Variants in NAALADL2 observed in about 807,000 individuals in gnomAD.
NAALADL2 encodes the protein N-acetylated alpha-linked acidic dipeptidase like 2.
NAALADL2 carries 76 observed loss-of-function variants against 87.2 expected under a neutral mutation model. The ratio of observed to expected loss-of-function variants is 0.87; its 90% CI spans 0.72 to 1.05. The LOEUF (loss-of-function observed/expected upper bound fraction) is 1.05. Ranked by LOEUF, NAALADL2 falls within the 50% of genes least tolerant of loss-of-function variation. The pLI is 0.00. For missense variants in NAALADL2, 1,089 were observed against 945.8 expected (o/e 1.15, Z -1.99); for synonymous variants, 354 against 331.0 (o/e 1.07, Z -0.75).
chr3:175,425,399 G>A (rs1223238758), intron 5 of NAALADL2, among the ~76,000 whole-genome samples: 1 of 152,072 alleles, frequency 6.6e-6, no homozygotes, highest in Non-Finnish European at 1.5e-5. Flanking sequence ...CCATCAAGCA[G>A]CATTGCTTTC....
In NAALADL2 at chr3:175,186,982, T is replaced by C. The variant is rs529827455; in HGVS notation, c.546-46949T>C. Among the ~76,000 whole-genome samples the C allele has an allele frequency of 3.3e-5, 5 of 152,294 alleles. No homozygotes were observed. The South Asian group carries it at 1.0e-3, about 32-fold the overall frequency. On this transcript the variant is annotated intron_variant, in intron 2 of 13. Transcript: ENST00000454872. The stretch of plus-strand genomic sequence containing the variant: ...AAAGATTATCTTAACAATCCTTTAG[T>C]TCACTATTTCATTTTCTGTCTTTTA...
At position 175,028,051 on chromosome 3, in the gene NAALADL2, C is replaced by A. The variant is rs148766818; in HGVS notation, c.44-68739C>A. Among the ~76,000 whole-genome samples the A allele has an allele frequency of 8.5e-5, 13 of 152,080 alleles. No homozygotes were observed. The East Asian group carries it at 2.3e-3, about 27-fold the overall frequency. On this transcript the variant is annotated intron_variant, in intron 1 of 13. Coordinates refer to ENST00000454872, the MANE Select transcript of NAALADL2 (RefSeq NM_207015.3). ...ATTAACCTTCAGAAACTTTGCAATC[C>A]AGATGTGAGCTGCTCCACATCAGCA...
intron 3 of NAALADL2, among the ~76,000 whole-genome samples, chr3:174,780,466 C>A (rs1044628738): frequency 6.6e-6 from 1 of 152,016 alleles, no homozygotes; most frequent in Non-Finnish European, 1.5e-5. Flanking sequence ...ATATGAATAC[C>A]CTTTATTTCT....
intron 1 of NAALADL2, among the ~76,000 whole-genome samples, chr3:174,492,428 C>T (rs1463008615): frequency 6.6e-6 from 1 of 152,084 alleles, no homozygotes; most frequent in Non-Finnish European, 1.5e-5. Context: ...TCGGTTTTTT[C>T]TAGCACTAAA....
intron 1 of NAALADL2, among the ~76,000 whole-genome samples, chr3:174,975,600 A>T (rs1431304771): frequency 2.6e-5 from 4 of 152,110 alleles, no homozygotes; most frequent in African/African-American, 9.7e-5. Context: ...ATTTGGTGGG[A>T]TAGTTATGCC....
At chr3:175,338,023 G>A (rs1762173336) in intron 5 of NAALADL2, among the ~76,000 whole-genome samples, 1 of 152,002 alleles carries the variant, frequency 6.6e-6, no homozygotes, top group African/African-American at 2.4e-5. Flanking sequence ...AGAACAAACT[G>A]AACTTTCACA....
intron 13 of NAALADL2, among the ~76,000 whole-genome samples, chr3:175,793,362 G>A (rs1325709200): frequency 7.0e-6 from 1 of 143,562 alleles, no homozygotes; most frequent in Non-Finnish European, 1.5e-5. Flanking sequence ...GGGCTGGAGT[G>A]TAGTGGGCAC....
chr3:175,629,374 GA>G, intron 11 of NAALADL2, among the ~76,000 whole-genome samples: 1 of 131,336 alleles, frequency 7.6e-6, no homozygotes, highest in Non-Finnish European at 1.6e-5. Context: ...ATATATATAT[GA>G]ATATATATAT....
At position 174,631,084 on chromosome 3, in the gene NAALADL2, T is replaced by TTATCCCTTAG. The variant is rs373403879; in HGVS notation, c.-115+80449_-115+80458dup. Among the ~76,000 whole-genome samples the TTATCCCTTAG allele has an allele frequency of 2.9e-3, 442 of 152,292 alleles. 3 individuals are homozygous for TTATCCCTTAG. The highest frequency in any genetic ancestry group is 0.01 in the African/African-American group (426 of 41,574). On this transcript the variant is annotated intron_variant, in intron 2 of 3. Transcript: ENST00000434257. ...CCTATAGATTCTGCACATATTATTA[T>TTATCCCTTAG]TATCCCTTAGTGGTCAGATTCTGTT...
rs556125101 is a variant in NAALADL2, at chr3:175,339,187, T to G, written c.1090+14862T>G. 4.6e-5 allele frequency among the ~76,000 whole-genome samples: 7 copies of G among 152,344 alleles called. No homozygotes were observed. The East Asian group carries it at 7.7e-4, about 17-fold the overall frequency. ...AATATTGCAAATAGTGACAGTCACA[T>G]CAAACATTGTCTAGAATCACTAATC... On this transcript the variant is annotated intron_variant, in intron 5 of 13. Transcript: ENST00000454872.
At chr3:174,890,640 G>A (rs1251778260) in intron 1 of NAALADL2, among the ~76,000 whole-genome samples, 1 of 152,146 alleles carries the variant, frequency 6.6e-6, no homozygotes, top group Non-Finnish European at 1.5e-5. Context: ...AAACTAACTT[G>A]CCTGAGAAGG....
At chr3:175,469,866 G>C (rs1179925038) in intron 8 of NAALADL2, among the ~76,000 whole-genome samples, 3 of 152,006 alleles carry the variant, frequency 2.0e-5, no homozygotes, top group African/African-American at 7.2e-5. Flanking sequence ...GCTAATAGAA[G>C]CTGATATTTC....
intron 2 of NAALADL2, among the ~76,000 whole-genome samples, chr3:174,606,678 C>A (rs1414610327): frequency 2.6e-5 from 4 of 152,076 alleles, no homozygotes; most frequent in Non-Finnish European, 4.4e-5. Flanking sequence ...TGTGAAAAGA[C>A]CAAATCTACG....
intron 11 of NAALADL2, among the ~76,000 whole-genome samples, chr3:175,716,817 T>A (rs1741368183): frequency 6.6e-6 from 1 of 152,142 alleles, no homozygotes; most frequent in South Asian, 2.1e-4. Context: ...AAAGAATGTT[T>A]TGGAGGAGTC....
At chr3:175,731,771 C>G (rs970304585) in intron 11 of NAALADL2, among the ~76,000 whole-genome samples, 1 of 152,114 alleles carries the variant, frequency 6.6e-6, no homozygotes, top group Admixed American at 6.5e-5. Context: ...AGGTGCCAAG[C>G]CACTCTTAAA....
chr3:174,691,977 T>G (rs2108855594), intron 2 of NAALADL2: 1 of 152,348 alleles, frequency 6.6e-6, no homozygotes, highest in South Asian at 2.1e-4. Context: ...CTGCAGTTAC[T>G]TCTTCCTCTG....
chr3:175,677,927 G>A (rs115886420), intron 11 of NAALADL2, among the ~76,000 whole-genome samples: 2,459 of 152,178 alleles, frequency 0.016, 75 homozygotes, highest in African/African-American at 0.057. Context: ...ACCTGAGTAG[G>A]CAGTCTTCAG....
chr3:175,161,456 A>G (rs980104765), intron 2 of NAALADL2, among the ~76,000 whole-genome samples: 5 of 152,288 alleles, frequency 3.3e-5, no homozygotes, highest in Admixed American at 6.6e-5. Context: ...TATGCCATAG[A>G]TAATTATCGA....
At chr3:175,213,813 A>G (rs1580957712) in intron 2 of NAALADL2, among the ~76,000 whole-genome samples, 1 of 152,260 alleles carries the variant, frequency 6.6e-6, no homozygotes, top group South Asian at 2.1e-4. Context: ...AGTAAGAGGC[A>G]GAGTAGATAT....
Sources: gnomAD v4.1 joint callset for allele counts (sites outside exome capture counted in the v4.1 genomes callset) on GRCh38, gnomAD v4.1.1 for gene constraint, MANE v1.5 for transcripts, NCBI Gene and HGNC (gene_info 2026-07-23, HGNC 2026-07-21) for gene names.